Variants in CEP162 observed in about 807,000 individuals in gnomAD.
The protein encoded by CEP162 is centrosomal protein of 162 kDa.
Under a neutral mutation model 169.2 loss-of-function variants are expected in CEP162, and 141 were observed. The observed-to-expected ratio is 0.83, with a 90% CI of 0.73 to 0.96. The LOEUF (loss-of-function observed/expected upper bound fraction) is 0.96, where lower values mean the gene tolerates loss of function less well. CEP162 is among the 40% of genes least tolerant of loss of function. The pLI is 0.00. For synonymous variants in CEP162, 540 were observed against 526.4 expected, an observed-to-expected ratio of 1.03 and a Z score of -0.35; for missense variants, 1,600 against 1,587.2, an observed-to-expected ratio of 1.01 and a Z score of -0.14.
At chr6:84,162,770 T>C (rs920917233) in intron 19 of CEP162, among the ~76,000 whole-genome samples, 4 of 152,156 alleles carry the variant, frequency 2.6e-5, no homozygotes, top group African/African-American at 4.8e-5. Context: ...GTGTTCTTTA[T>C]AAAACCCAGT....
intron 25 of CEP162, among the ~76,000 whole-genome samples, chr6:84,138,795 AACTTT>A (rs1248897856): frequency 6.6e-6 from 1 of 152,230 alleles, no homozygotes; most frequent in Non-Finnish European, 1.5e-5. Flanking sequence ...TTTCACTAAA[AACTTT>A]ACTTCAGTTC....
intron 25 of CEP162, among the ~76,000 whole-genome samples, chr6:84,128,893 A>G (rs2099510059): frequency 7.3e-6 from 1 of 137,304 alleles, no homozygotes; most frequent in Admixed American, 7.9e-5. Context: ...CTCCTATGTC[A>G]CTGTGTTCTC....
chr6:84,185,483 A>C, intron 12 of CEP162, 35 bp from the exon 13 acceptor site: 1 of 1,538,056 alleles, frequency 6.5e-7, no homozygotes, highest in Middle Eastern at 1.7e-4. Context: ...TTAGTACCTA[A>C]ATAAACTTTA....
At chr6:84,181,753 C>G (rs1454957630) in intron 13 of CEP162, among the ~76,000 whole-genome samples, 1 of 151,656 alleles carries the variant, frequency 6.6e-6, no homozygotes. Flanking sequence ...GAATTAAATC[C>G]AAAAGCTGAG....
intron 11 of CEP162, among the ~76,000 whole-genome samples, chr6:84,188,917 T>C (rs2099538439): frequency 1.3e-5 from 2 of 152,298 alleles, no homozygotes; most frequent in Admixed American, 6.5e-5. Flanking sequence ...TTTTTAATAA[T>C]AGCTATTCTG....
chr6:84,212,356 C>T (rs2099549814), intron 6 of CEP162, among the ~76,000 whole-genome samples: 1 of 151,982 alleles, frequency 6.6e-6, no homozygotes, highest in South Asian at 2.1e-4. Context: ...TAATAATGCA[C>T]TGTGGTGTTT....
chr6:84,212,554 CCAAA>C (rs1482797384), intron 6 of CEP162, among the ~76,000 whole-genome samples: 25 of 150,926 alleles, frequency 1.7e-4, no homozygotes, highest in Non-Finnish European at 1.3e-4. Flanking sequence ...AGCTAAAAAG[CCAAA>C]ATAAGAATAA....
chr6:84,163,062 T>A lies in CEP162; in HGVS notation c.2512+82A>T, dbSNP rs1040344412. The A allele has an allele frequency of 6.8e-6, 9 of 1,331,538 alleles. No individual in the cohort carries two copies. In the Admixed American group the frequency reaches 1.2e-4, roughly 18 times the overall value. The allele number at this position is 1,331,538 out of a possible 1,614,324, so 82.5% of individuals were successfully genotyped here. On this transcript the variant is annotated intron_variant, in intron 19 of 26. Coordinates refer to ENST00000403245, the MANE Select transcript of CEP162 (RefSeq NM_014895.4). ...ACTTCAAGGAGTAGCATTTTGATTA[T>A]ACCATTCAATTTCTATTACTTAAAT...
chr6:84,178,841 T>A (rs2099533502), intron 13 of CEP162, among the ~76,000 whole-genome samples: 3 of 152,128 alleles, frequency 2.0e-5, no homozygotes, highest in Non-Finnish European at 4.4e-5. Flanking sequence ...CCCTGGTATG[T>A]GCTGTTCCCC....
At chr6:84,207,658 T>A (rs1053986058) in intron 6 of CEP162, among the ~76,000 whole-genome samples, 4 of 151,922 alleles carry the variant, frequency 2.6e-5, no homozygotes, top group Non-Finnish European at 4.4e-5. Context: ...ATGGCACATG[T>A]ATACATATGT....
intron 8 of CEP162, among the ~76,000 whole-genome samples, chr6:84,201,446 C>T (rs535558596): frequency 4.0e-5 from 6 of 151,806 alleles, no homozygotes; most frequent in Non-Finnish European, 8.8e-5. Context: ...TGATCTTCTT[C>T]CGATGTAGAA....
At position 84,124,350 on chromosome 6, in the gene CEP162, G is replaced by GAT. The variant is rs1179352944; in HGVS notation, c.*718_*719dup. 2.0e-5 allele frequency: 3 copies of GAT among 151,644 alleles called. No homozygotes were observed. The highest frequency in any genetic ancestry group is 4.8e-5 in the African/African-American group (2 of 41,278). The allele number at this position is 151,644 out of a possible 1,614,324, so 9.4% of individuals were successfully genotyped here. A position where few individuals can be genotyped will look rare whatever the true frequency, so the allele number is the denominator to read the frequency against. On this transcript the variant is annotated 3_prime_UTR_variant, in exon 27 of 27. Transcript: ENST00000403245. ...AATTGACTGGATAAAGAAAACGTGA[G>GAT]ATATATATAGAGAGAGATATATAAA...
At chr6:84,171,050 C>G (rs954069840) in intron 17 of CEP162, among the ~76,000 whole-genome samples, 1 of 152,172 alleles carries the variant, frequency 6.6e-6, no homozygotes, top group African/African-American at 2.4e-5. Context: ...TCCAGAGCTT[C>G]TTGGGAGGAG....
At chr6:84,150,366 CTT>C (rs943787614) in intron 23 of CEP162, among the ~76,000 whole-genome samples, 7 of 152,052 alleles carry the variant, frequency 4.6e-5, no homozygotes, top group African/African-American at 1.2e-4. Context: ...ATTGGAAAGA[CTT>C]TGAAAATAAC....
In CEP162 at chr6:84,226,444, T is replaced by A. The variant is rs184867591; in HGVS notation, c.-51A>T. On this transcript the variant is annotated 5_prime_UTR_variant, in exon 2 of 27. It removes an upstream start codon present in the reference 5' UTR. Transcript: ENST00000403245. ...TAAACATTCTAAAGTACCTCAAACA[T>A]TGGAAACACTAAATGACAAGAGACA... 1 of 1,237,666 alleles carries A rather than the reference T, an allele frequency of 8.1e-7. No homozygotes were observed. The highest frequency in any genetic ancestry group is 1.5e-5 in the African/African-American group (1 of 66,750). 76.7% of individuals were successfully genotyped at this position (1,237,666 alleles called of 1,614,324 possible).
intron 17 of CEP162, 32 bp downstream of exon 17, chr6:84,171,574 T>C: frequency 1.3e-6 from 1 of 781,564 alleles, no homozygotes; most frequent in Admixed American, 3.6e-5. Flanking sequence ...AGTCTAAGTA[T>C]ATTTGATTTT....
chr6:84,177,896 A>G (rs925821260), intron 13 of CEP162, among the ~76,000 whole-genome samples: 1 of 152,204 alleles, frequency 6.6e-6, no homozygotes, highest in African/African-American at 2.4e-5. Flanking sequence ...GACTTGGACA[A>G]GTTGAGTGAA....
In CEP162 at chr6:84,198,431, C is replaced by CCA. The variant is rs1365990707; in HGVS notation, c.835+2356_835+2357dup. Reference sequence around the variant, plus strand: ...TAGCTACAATTACAGGCATGTGCCACCACACCTGGCTAATTTTCTGTATTT... The same window carrying CCA: ...TAGCTACAATTACAGGCATGTGCCACCACACACCTGGCTAATTTTCTGTATTT... On this transcript the variant is annotated intron_variant, in intron 9 of 26. Transcript: ENST00000403245. Among the ~76,000 whole-genome samples, 30 of 152,212 alleles carry CCA rather than the reference C, an allele frequency of 2.0e-4. No homozygotes were observed. The South Asian group carries it at 3.9e-3, about 20-fold the overall frequency.
At chr6:84,206,423 A>G (rs2099547089) in intron 6 of CEP162, among the ~76,000 whole-genome samples, 1 of 152,174 alleles carries the variant, frequency 6.6e-6, no homozygotes, top group South Asian at 2.1e-4. Context: ...CCACACATCT[A>G]CAACTATCTG....
Sources: allele counts gnomAD v4.1 joint callset (sites outside exome capture counted in the v4.1 genomes callset), GRCh38; gene constraint gnomAD v4.1.1; transcripts MANE v1.5; gene names NCBI Gene and HGNC (gene_info 2026-07-23, HGNC 2026-07-21).